Variants in VGLL4 observed in about 807,000 individuals in gnomAD.
VGLL4 encodes the protein transcription cofactor vestigial-like protein 4.
Under a neutral mutation model 21.0 loss-of-function variants are expected in VGLL4, and 7 were observed. The ratio of observed to expected loss-of-function variants is 0.33; its 90% CI spans 0.19 to 0.63. VGLL4 has a LOEUF of 0.63. Ranked by LOEUF, VGLL4 falls within the 20% of genes least tolerant of loss-of-function variation. The pLI is 0.78. For synonymous variants in VGLL4, 222 were observed against 173.2 expected, an observed-to-expected ratio of 1.28 and a Z score of -2.21; for missense variants, 394 against 425.7, an observed-to-expected ratio of 0.93 and a Z score of 0.66.
chr3:11,699,216 T>G (rs1249734497), intron 2 of VGLL4, among the ~76,000 whole-genome samples: 1 of 152,246 alleles, frequency 6.6e-6, no homozygotes, highest in Non-Finnish European at 1.5e-5. Context: ...AAACCTAATG[T>G]TCAACTTTGT....
Position 11,715,498 on chromosome 3 carries a change from TA to T in VGLL4, c.-14+4895del, listed in dbSNP as rs371591834. ...ACAGGTGCCCACCACCATGCCCAGC[TA>T]ATTTTTGTATTTTTAGTAGAGACGG... On this transcript the variant is annotated intron_variant, in intron 1 of 5. Coordinates refer to the VGLL4 transcript ENST00000273038. 3.0e-3 allele frequency among the ~76,000 whole-genome samples: 462 copies of T among 152,182 alleles called. 5 individuals are homozygous for T. The highest frequency in any genetic ancestry group is 0.022 in the East Asian group (115 of 5,142).
chr3:11,672,206 A>C (rs958475281), intron 2 of VGLL4, among the ~76,000 whole-genome samples: 5 of 152,238 alleles, frequency 3.3e-5, no homozygotes, highest in African/African-American at 7.2e-5. Flanking sequence ...GTCCCTTTGC[A>C]AAGCAAAAAT....
intron 1 of VGLL4, among the ~76,000 whole-genome samples, chr3:11,718,636 A>C (rs762334537): frequency 2.6e-5 from 4 of 152,134 alleles, no homozygotes; most frequent in Non-Finnish European, 5.9e-5. Flanking sequence ...TATTTAGAGG[A>C]AACAACTGCC....
intron 2 of VGLL4, among the ~76,000 whole-genome samples, chr3:11,678,210 A>C (rs1400186091): frequency 6.6e-6 from 1 of 152,010 alleles, no homozygotes; most frequent in African/African-American, 2.4e-5. Flanking sequence ...GTGCGCCACC[A>C]CATCTGGCTA....
intron 2 of VGLL4, among the ~76,000 whole-genome samples, chr3:11,673,390 A>C (rs989394158): frequency 6.6e-6 from 1 of 152,144 alleles, no homozygotes; most frequent in Non-Finnish European, 1.5e-5. Flanking sequence ...AAGTTGAGAA[A>C]AATCTTCCAA....
At chr3:11,611,411 T>C (rs2075060845) in intron 1 of VGLL4, among the ~76,000 whole-genome samples, 2 of 152,160 alleles carry the variant, frequency 1.3e-5, no homozygotes, top group Admixed American at 1.3e-4. Flanking sequence ...GGAGAGAGCC[T>C]GCCGGAGAAA....
intron 2 of VGLL4, among the ~76,000 whole-genome samples, chr3:11,574,785 A>ATGTATATGTGTGTGTG (rs1553723624): frequency 8.2e-6 from 1 of 121,700 alleles, no homozygotes; most frequent in African/African-American, 3.2e-5. Context: ...TCAACTATAT[A>ATGTATATGTGTGTGTG]TGTGTGTGTG....
chr3:11,567,188 C>G (rs926275163), intron 2 of VGLL4, among the ~76,000 whole-genome samples: 4 of 152,100 alleles, frequency 2.6e-5, no homozygotes, highest in African/African-American at 4.8e-5. Context: ...CTCGGCGTCC[C>G]CATGTAACCA....
upstream of VGLL4, among the ~76,000 whole-genome samples, chr3:11,647,644 AT>A (rs1559922341): frequency 6.6e-6 from 1 of 152,098 alleles, no homozygotes; most frequent in East Asian, 1.9e-4. Context: ...TTCATTTCAG[AT>A]TTTTGGATTA....
chr3:11,628,158 G>A (rs1286561560), intron 1 of VGLL4, among the ~76,000 whole-genome samples: 5 of 152,086 alleles, frequency 3.3e-5, no homozygotes, highest in Non-Finnish European at 5.9e-5. Flanking sequence ...GGAGGCCAAG[G>A]TGGGCAGATC....
rs1367275695 is a variant in VGLL4 at position 11,558,437 on chromosome 3, T to A, written c.*119A>T. The A allele has an allele frequency of 1.4e-6, 2 of 1,402,506 alleles. No individual in the cohort carries two copies. Among genetic ancestry groups the A allele is most frequent in the Middle Eastern group, 2.2e-4 (1 of 4,498 alleles). The allele number at this position is 1,402,506 out of a possible 1,614,324, so 86.9% of individuals were successfully genotyped here. The stretch of plus-strand genomic sequence containing the variant: ...ATCCCAACAACATGGTTTTTGCAAA[T>A]AAACCATCCCTTCCCTTCCCCCCAC... On this transcript the variant is annotated 3_prime_UTR_variant, in exon 5 of 5. Coordinates refer to ENST00000430365, the MANE Select transcript of VGLL4 (RefSeq NM_001128219.3).
rs78782414 is a variant in VGLL4 at position 11,634,418 on chromosome 3, A to G, written c.82+9019T>C. Among the ~76,000 whole-genome samples the G allele has an allele frequency of 1.1e-4, 17 of 152,232 alleles. No individual in the cohort carries two copies. The East Asian group carries it at 3.1e-3, about 28-fold the overall frequency. On this transcript the variant is annotated intron_variant, in intron 1 of 4. Transcript: ENST00000430365. Reference sequence around the variant, plus strand: ...CTATCCACTGCTTTCCTCTGTGGCCACCGTCAGAATTTGCCTTACCCCTAT... The same window carrying G: ...CTATCCACTGCTTTCCTCTGTGGCCGCCGTCAGAATTTGCCTTACCCCTAT...
chr3:11,626,155 T>C (rs975995148), intron 1 of VGLL4, among the ~76,000 whole-genome samples: 1 of 152,214 alleles, frequency 6.6e-6, no homozygotes, highest in Non-Finnish European at 1.5e-5. Context: ...TATGGTGGCT[T>C]TTCACCTTTC....
intron 1 of VGLL4, among the ~76,000 whole-genome samples, chr3:11,604,140 A>AGGCCCCATGAAGGCT (rs2074873166): frequency 6.6e-6 from 1 of 152,088 alleles, no homozygotes; most frequent in African/African-American, 2.4e-5. Flanking sequence ...CCATGAAGGC[A>AGGCCCCATGAAGGCT]CTCCAGGTGT....
At chr3:11,564,405 A>AG (rs1553720510) in intron 3 of VGLL4, among the ~76,000 whole-genome samples, 2 of 151,098 alleles carry the variant, frequency 1.3e-5, no homozygotes, top group African/African-American at 4.9e-5. Flanking sequence ...GAAACGTAGG[A>AG]CCCCCCCACC....
chr3:11,709,761 G>A (rs528770525), intron 1 of VGLL4, among the ~76,000 whole-genome samples: 10 of 152,196 alleles, frequency 6.6e-5, no homozygotes, highest in African/African-American at 9.6e-5. Flanking sequence ...CAGTGCTAAC[G>A]GCAAGCTCAG....
At chr3:11,674,216 C>T in intron 2 of VGLL4, among the ~76,000 whole-genome samples, 1 of 152,094 alleles carries the variant, frequency 6.6e-6, no homozygotes, top group Non-Finnish European at 1.5e-5. Flanking sequence ...CTCCCACACA[C>T]TCTTTGTCAG....
chr3:11,576,589 C>G (rs2074052435), intron 2 of VGLL4, among the ~76,000 whole-genome samples: 1 of 152,230 alleles, frequency 6.6e-6, no homozygotes, highest in African/African-American at 2.4e-5. Context: ...TCCTGCCTTG[C>G]CATCCTCCGG....
chr3:11,599,672 C>G (rs1002574525), intron 2 of VGLL4, among the ~76,000 whole-genome samples: 1 of 146,454 alleles, frequency 6.8e-6, no homozygotes, highest in Non-Finnish European at 1.5e-5. Flanking sequence ...GCATGCACCA[C>G]CACACCCAGC....
Sources: gnomAD v4.1 joint callset for allele counts (sites outside exome capture counted in the v4.1 genomes callset) on GRCh38, gnomAD v4.1.1 for gene constraint, MANE v1.5 for transcripts, NCBI Gene and HGNC (gene_info 2026-07-23, HGNC 2026-07-21) for gene names.